Variants in FUT8 observed in about 807,000 individuals in gnomAD.
FUT8 encodes the protein fucosyltransferase 8.
Under a neutral mutation model 71.3 loss-of-function variants are expected in FUT8, and 29 were observed. The ratio of observed to expected loss-of-function variants is 0.41; its 90% CI spans 0.30 to 0.55. FUT8 has a LOEUF of 0.55. Among genes scored for constraint, FUT8 ranks in the 20% least tolerant of loss-of-function variants. FUT8 has a pLI of 0.34. For synonymous variants in FUT8, 254 were observed against 239.3 expected (o/e 1.06, Z -0.57); for missense variants, 544 against 702.1 (o/e 0.77, Z 2.55).
chr14:65,470,604 A>C (rs560682613), intron 2 of FUT8, among the ~76,000 whole-genome samples: 1 of 152,308 alleles, frequency 6.6e-6, no homozygotes, highest in Admixed American at 6.5e-5. Context: ...GCCCAGGCAG[A>C]GCAGATAACT....
intron 2 of FUT8, among the ~76,000 whole-genome samples, chr14:65,490,197 C>T (rs2066463451): frequency 6.6e-6 from 1 of 151,990 alleles, no homozygotes; most frequent in African/African-American, 2.4e-5. Flanking sequence ...CACCCCCACC[C>T]CAAATAACCC....
At chr14:65,398,559 C>T in the FUT8 span, among the ~76,000 whole-genome samples, 1 of 151,842 alleles carries the variant, frequency 6.6e-6, no homozygotes, top group African/African-American at 2.4e-5. Context: ...CATGGCAAAA[C>T]CCCATCTTTA....
chr14:65,562,943 C>T (rs948870352), intron 3 of FUT8, among the ~76,000 whole-genome samples: 1 of 152,018 alleles, frequency 6.6e-6, no homozygotes, highest in Non-Finnish European at 1.5e-5. Flanking sequence ...CTGCCCTTCA[C>T]TCTTTGTTTA....
the FUT8 span, among the ~76,000 whole-genome samples, chr14:65,360,401 A>G: frequency 1.3e-5 from 2 of 152,246 alleles, no homozygotes; most frequent in East Asian, 3.8e-4. Flanking sequence ...GAAGACAAAC[A>G]TTCCAAGCTT....
chr14:65,532,795 T>C (rs944031820), intron 2 of FUT8, among the ~76,000 whole-genome samples: 2 of 152,238 alleles, frequency 1.3e-5, no homozygotes, highest in Non-Finnish European at 2.9e-5. Context: ...TTAATCCGTC[T>C]TGAGTTGATT....
At chr14:65,644,554 G>A (rs894503782) in intron 6 of FUT8, among the ~76,000 whole-genome samples, 9 of 151,714 alleles carry the variant, frequency 5.9e-5, no homozygotes, top group African/African-American at 1.4e-4. Context: ...GTAGAGACGG[G>A]GTTTCACCGT....
intron 6 of FUT8, among the ~76,000 whole-genome samples, chr14:65,657,533 G>A (rs906211684): frequency 8.5e-5 from 13 of 152,110 alleles, no homozygotes; most frequent in African/African-American, 3.1e-4. Context: ...AACATGGATG[G>A]AACTGGAGAT....
At chr14:65,377,625 C>G in the FUT8 span, among the ~76,000 whole-genome samples, 3 of 152,166 alleles carry the variant, frequency 2.0e-5, no homozygotes, top group African/African-American at 7.2e-5. Flanking sequence ...GATTTGTTTG[C>G]TTTCTAATTC....
At chr14:65,535,890 C>A (rs1350327072) in intron 2 of FUT8, among the ~76,000 whole-genome samples, 2 of 152,062 alleles carry the variant, frequency 1.3e-5, no homozygotes, top group African/African-American at 4.8e-5. Context: ...GTTGAAGACT[C>A]CCACTGTTAT....
chr14:65,546,921 C>T (rs943021156), intron 2 of FUT8, among the ~76,000 whole-genome samples: 9 of 151,728 alleles, frequency 5.9e-5, no homozygotes, highest in Admixed American at 1.3e-4. Context: ...AGTCATTAGG[C>T]TATTCAAGTA....
At chr14:65,720,793 G>T (rs1310184076) in intron 7 of FUT8, among the ~76,000 whole-genome samples, 1 of 152,070 alleles carries the variant, frequency 6.6e-6, no homozygotes, top group East Asian at 1.9e-4. Context: ...GGCTCCAACC[G>T]CTGGGATGGA....
intron 1 of FUT8, among the ~76,000 whole-genome samples, chr14:65,439,964 A>G (rs201316899): frequency 0.028 from 3,405 of 122,948 alleles, 257 homozygotes; most frequent in South Asian, 0.036. Context: ...GTATATATAT[A>G]TATATATATA....
At chr14:65,540,781 A>G (rs1188755470) in intron 2 of FUT8, among the ~76,000 whole-genome samples, 1 of 152,248 alleles carries the variant, frequency 6.6e-6, no homozygotes, top group African/African-American at 2.4e-5. Context: ...GGAGAGTAGC[A>G]TAAATAACTA....
chr14:65,633,009 C>A (rs138087988), intron 6 of FUT8, among the ~76,000 whole-genome samples: 3,144 of 145,958 alleles, frequency 0.022, 104 homozygotes, highest in Middle Eastern at 0.035. Flanking sequence ...TCCCCTCCCC[C>A]CCCCCGTCTC....
intron 3 of FUT8, among the ~76,000 whole-genome samples, chr14:65,566,060 A>G (rs949073067): frequency 6.6e-6 from 1 of 151,946 alleles, no homozygotes; most frequent in Admixed American, 6.6e-5. Context: ...TTCTAATTAT[A>G]AATAGGGTCA....
intron 1 of FUT8, among the ~76,000 whole-genome samples, chr14:65,451,952 C>G (rs577036014): frequency 6.6e-6 from 1 of 152,284 alleles, no homozygotes; most frequent in South Asian, 2.1e-4. Flanking sequence ...TAAGCTCTCA[C>G]TTTGGGCCAT....
chr14:65,719,325 A>G (rs1468221832), intron 7 of FUT8, among the ~76,000 whole-genome samples: 1 of 151,952 alleles, frequency 6.6e-6, no homozygotes, highest in Non-Finnish European at 1.5e-5. Flanking sequence ...CTCTTTGTTA[A>G]CTTTATCTGA....
At chr14:65,447,034 A>G (rs2065753175) in intron 1 of FUT8, among the ~76,000 whole-genome samples, 3 of 152,032 alleles carry the variant, frequency 2.0e-5, no homozygotes. Flanking sequence ...TTCAGCTCTT[A>G]TAATCTGAAA....
intron 2 of FUT8, among the ~76,000 whole-genome samples, chr14:65,469,695 G>C (rs1201845030): frequency 6.6e-6 from 1 of 152,176 alleles, no homozygotes; most frequent in Non-Finnish European, 1.5e-5. Context: ...GGAGGCCCTG[G>C]AGTGAGTGGC....
Sources: gnomAD v4.1 joint callset for allele counts (sites outside exome capture counted in the v4.1 genomes callset) on GRCh38, gnomAD v4.1.1 for gene constraint, MANE v1.5 for transcripts, NCBI Gene and HGNC (gene_info 2026-07-23, HGNC 2026-07-21) for gene names.